The following CFAP54 variants were observed in gnomAD, a reference collection of about 807,000 sequenced individuals.
CFAP54 encodes cilia- and flagella-associated protein 54.
A neutral mutation model predicts 370.4 loss-of-function variants in CFAP54; 290 were observed. The ratio of observed to expected loss-of-function variants is 0.78; its 90% CI spans 0.71 to 0.86. The LOEUF is 0.86. Ranked by LOEUF, CFAP54 falls within the 40% of genes least tolerant of loss-of-function variation. The probability of loss-of-function intolerance (pLI) is 0.00; values close to 1 mark genes in which losing one functional copy is unlikely to be tolerated. For missense variants in CFAP54, 3,399 were observed against 3,528.7 expected (o/e 0.96, Z 0.93); for synonymous variants, 1,206 against 1,236.5 (o/e 0.98, Z 0.52).
chr12:96,495,254 TTCCTTCCTTCCTTCCTTCC>T (rs1954937359), intron 1 of CFAP54, among the ~76,000 whole-genome samples: 1 of 51,350 alleles, frequency 1.9e-5, no homozygotes, highest in African/African-American at 5.8e-5. Context: ...CCTTCCTTCC[TTCCTTCCTTCCTTCCTTCC>T]TTCCTTCCTT....
intron 55 of CFAP54, among the ~76,000 whole-genome samples, chr12:96,745,066 C>T (rs1156389493): frequency 1.3e-5 from 2 of 152,170 alleles, no homozygotes; most frequent in Non-Finnish European, 2.9e-5. Context: ...ATATGTACCA[C>T]ATTTTCTTTA....
intron 26 of CFAP54, among the ~76,000 whole-genome samples, chr12:96,600,139 A>G (rs535180066): frequency 2.0e-3 from 312 of 152,246 alleles, no homozygotes; most frequent in Admixed American, 4.1e-3. Flanking sequence ...CAGGTCTTAC[A>G]TTTAAGTCTT....
At chr12:96,823,952 T>C (rs549042126) in intron 65 of CFAP54, among the ~76,000 whole-genome samples, 249 of 152,170 alleles carry the variant, frequency 1.6e-3, no homozygotes, top group Non-Finnish European at 2.6e-3. Flanking sequence ...TAGGAAGTTT[T>C]TTCTCCCCCC....
At chr12:96,846,051 C>T (rs1241945906) in intron 66 of CFAP54, among the ~76,000 whole-genome samples, 1 of 152,168 alleles carries the variant, frequency 6.6e-6, no homozygotes, top group African/African-American at 2.4e-5. Context: ...GGTCTATATC[C>T]AGTCAATAAA....
chr12:96,538,984 G>A (rs1489570908), intron 13 of CFAP54, among the ~76,000 whole-genome samples: 1 of 150,848 alleles, frequency 6.6e-6, no homozygotes, highest in East Asian at 2.0e-4. Flanking sequence ...AAACTCCCAG[G>A]TTCAAGCAAT....
intron 50 of CFAP54, among the ~76,000 whole-genome samples, chr12:96,734,027 G>A (rs1049290583): frequency 6.6e-6 from 1 of 151,572 alleles, no homozygotes; most frequent in African/African-American, 2.4e-5. Context: ...CGTTTCCTGT[G>A]CACACACTGA....
chr12:96,695,839 C>T (rs1800306993), intron 45 of CFAP54, among the ~76,000 whole-genome samples: 1 of 152,144 alleles, frequency 6.6e-6, no homozygotes, highest in East Asian at 1.9e-4. Context: ...TGAGTACTTT[C>T]TATTTAAAAG....
chr12:96,747,650 A>G (rs1305994925), intron 55 of CFAP54, among the ~76,000 whole-genome samples: 1 of 152,242 alleles, frequency 6.6e-6, no homozygotes, highest in Non-Finnish European at 1.5e-5. Flanking sequence ...AGCTGGTTAG[A>G]TGAAGATTTG....
intron 8 of CFAP54, among the ~76,000 whole-genome samples, chr12:96,526,885 GTTTTTT>G (rs34080505): frequency 1.0e-5 from 1 of 97,688 alleles, no homozygotes; most frequent in Non-Finnish European, 2.0e-5. Flanking sequence ...CTTATAACAG[GTTTTTT>G]TTTTTTTTTT....
At chr12:96,617,595 C>G (rs1319183298) in intron 26 of CFAP54, among the ~76,000 whole-genome samples, 1 of 152,210 alleles carries the variant, frequency 6.6e-6, no homozygotes, top group East Asian at 1.9e-4. Context: ...CCCATGCAAT[C>G]CAAAGCACCC....
At chr12:96,654,623 T>C (rs1479604389) in intron 36 of CFAP54, among the ~76,000 whole-genome samples, 1 of 152,160 alleles carries the variant, frequency 6.6e-6, no homozygotes, top group African/African-American at 2.4e-5. Flanking sequence ...TCGTGAAGTA[T>C]TGCATTTACT....
chr12:96,575,491 A>G (rs1416308558), intron 19 of CFAP54, among the ~76,000 whole-genome samples: 1 of 152,058 alleles, frequency 6.6e-6, no homozygotes, highest in Non-Finnish European at 1.5e-5. Context: ...ATATGGCAAA[A>G]CAGAATGTTC....
chr12:96,718,576 T>C (rs1592723476), intron 49 of CFAP54, 54 bp downstream of exon 49: 1 of 1,112,192 alleles, frequency 9.0e-7, no homozygotes, highest in East Asian at 2.4e-5. Flanking sequence ...AATCCACTAT[T>C]AGGCCCTGGA....
intron 15 of CFAP54, among the ~76,000 whole-genome samples, chr12:96,550,644 G>A (rs1955684633): frequency 6.6e-6 from 1 of 152,188 alleles, no homozygotes; most frequent in African/African-American, 2.4e-5. Flanking sequence ...ATGGCAAGAT[G>A]AGCTGAACAT....
chr12:96,623,098 T>G (rs887899741), intron 27 of CFAP54, among the ~76,000 whole-genome samples: 1 of 152,152 alleles, frequency 6.6e-6, no homozygotes, highest in African/African-American at 2.4e-5. Context: ...AGGTTGTGAT[T>G]CTTCCATCCA....
At chr12:96,518,293 T>C (rs1430919355) in intron 5 of CFAP54, among the ~76,000 whole-genome samples, 3 of 152,238 alleles carry the variant, frequency 2.0e-5, no homozygotes, top group Non-Finnish European at 4.4e-5. Flanking sequence ...AATCATATAC[T>C]GGTTCCAGGC....
At chr12:96,586,082 T>C (rs1347782556) in intron 22 of CFAP54, among the ~76,000 whole-genome samples, 4 of 152,192 alleles carry the variant, frequency 2.6e-5, no homozygotes, top group African/African-American at 9.7e-5. Flanking sequence ...CAACACATTA[T>C]TTGAGTGCTT....
intron 23 of CFAP54, among the ~76,000 whole-genome samples, chr12:96,591,139 G>C (rs1485600354): frequency 6.6e-6 from 1 of 152,144 alleles, no homozygotes; most frequent in African/African-American, 2.4e-5. Flanking sequence ...CATTGCTAGG[G>C]AAAGTGAAAG....
At chr12:96,740,174 T>A (rs1388462100) in intron 51 of CFAP54, 113 bp downstream of exon 51, 1 of 638,750 alleles carries the variant, frequency 1.6e-6, no homozygotes, top group Non-Finnish European at 2.7e-6. Flanking sequence ...AGAAAAAACA[T>A]TGAATTTGGA....
Sources: allele counts gnomAD v4.1 joint callset (sites outside exome capture counted in the v4.1 genomes callset), GRCh38; gene constraint gnomAD v4.1.1; transcripts MANE v1.5; gene names NCBI Gene and HGNC (gene_info 2026-07-23, HGNC 2026-07-21).